The following KLF12 variants were observed in gnomAD, a reference collection of about 807,000 sequenced individuals.
KLF12 encodes Krueppel-like factor 12.
KLF12 carries 9 observed loss-of-function variants against 37.8 expected under a neutral mutation model. That is an observed-to-expected ratio of 0.24 (90% confidence interval 0.14 to 0.42). The LOEUF is 0.42. Among genes scored for constraint, KLF12 ranks in the 10% least tolerant of loss-of-function variants. The probability of loss-of-function intolerance (pLI) is 1.00; values close to 1 mark genes in which losing one functional copy is unlikely to be tolerated. For missense variants in KLF12, 411 were observed against 516.0 expected (o/e 0.80, Z 1.97); for synonymous variants, 208 against 202.1 (o/e 1.03, Z -0.25).
chr13:73,983,260 C>A (rs956978241), intron 2 of KLF12, among the ~76,000 whole-genome samples: 2 of 152,166 alleles, frequency 1.3e-5, no homozygotes, highest in African/African-American at 2.4e-5. Context: ...ACTTAACATG[C>A]GATTAAAAAG....
At chr13:73,915,589 T>G (rs1888782891) in intron 3 of KLF12, among the ~76,000 whole-genome samples, 1 of 151,568 alleles carries the variant, frequency 6.6e-6, no homozygotes, top group Non-Finnish European at 1.5e-5. Context: ...CTTGGCTCAC[T>G]GCAAGCTCCA....
intron 4 of KLF12, among the ~76,000 whole-genome samples, chr13:73,834,090 G>A (rs1228745489): frequency 1.3e-5 from 2 of 152,100 alleles, no homozygotes; most frequent in Non-Finnish European, 2.9e-5. Flanking sequence ...GGCTTAAATG[G>A]TACTTTCATG....
At chr13:73,928,610 T>A (rs1157982116) in intron 3 of KLF12, among the ~76,000 whole-genome samples, 1 of 152,232 alleles carries the variant, frequency 6.6e-6, no homozygotes, top group Non-Finnish European at 1.5e-5. Context: ...ATAGATGGCA[T>A]TATTTCAATA....
intron 3 of KLF12, among the ~76,000 whole-genome samples, chr13:73,892,822 C>T (rs1397713478): frequency 6.6e-6 from 1 of 152,080 alleles, no homozygotes; most frequent in Non-Finnish European, 1.5e-5. Context: ...TACAATAAAC[C>T]ATTTACTTTG....
At chr13:74,088,919 A>G (rs1593889982) in intron 1 of KLF12, among the ~76,000 whole-genome samples, 1 of 152,190 alleles carries the variant, frequency 6.6e-6, no homozygotes, top group African/African-American at 2.4e-5. Context: ...CAAGACAATA[A>G]GATTTAATTT....
At chr13:74,177,083 G>C in the KLF12 span, among the ~76,000 whole-genome samples, 7 of 152,250 alleles carry the variant, frequency 4.6e-5, no homozygotes, top group South Asian at 1.5e-3. Flanking sequence ...TTAATGGTCA[G>C]CTACCGGAAA....
chr13:74,031,059 G>A (rs1893099297), intron 1 of KLF12, among the ~76,000 whole-genome samples: 1 of 152,038 alleles, frequency 6.6e-6, no homozygotes, highest in African/African-American at 2.4e-5. Flanking sequence ...GAACTACAAA[G>A]ATTATATAAA....
At chr13:74,088,185 GAAATTCCAGCAAGCAT>G in intron 1 of KLF12, among the ~76,000 whole-genome samples, 1 of 152,058 alleles carries the variant, frequency 6.6e-6, no homozygotes, top group African/African-American at 2.4e-5. Context: ...AACTTGCTCA[GAAATTCCAGCAAGCAT>G]AAATACTCTA....
At chr13:74,243,348 C>T in the KLF12 span, among the ~76,000 whole-genome samples, 1 of 152,068 alleles carries the variant, frequency 6.6e-6, no homozygotes, top group Non-Finnish European at 1.5e-5. Flanking sequence ...TTTATTCAGT[C>T]TATCATTGAT....
chr13:73,803,652 T>C (rs1882402479), intron 5 of KLF12, among the ~76,000 whole-genome samples: 1 of 152,098 alleles, frequency 6.6e-6, no homozygotes, highest in East Asian at 1.9e-4. Flanking sequence ...TTTGTCTATT[T>C]TATCCAATGC....
At chr13:74,288,701 G>A in the KLF12 span, among the ~76,000 whole-genome samples, 691 of 152,314 alleles carry the variant, frequency 4.5e-3, 5 homozygotes, top group African/African-American at 0.016. Context: ...AGAGAGCTGT[G>A]CTAAAAGCCG....
rs1736432872 is a variant in KLF12 at position 74,133,791 on chromosome 13, TC to T, written c.-85del. On this transcript the variant is annotated 5_prime_UTR_variant, in exon 1 of 8. Transcript: ENST00000377669. ...ATTGTTTTCTTTCCCTCACACAGAG[TC>T]CCCCTCTCTCTCTCCCTTTCTCTCT... 6.8e-6 allele frequency among the ~76,000 whole-genome samples: 1 copy of T among 146,618 alleles called. No individual in the cohort carries two copies. Among genetic ancestry groups the T allele is most frequent in the Non-Finnish European group, 1.5e-5 (1 of 66,820 alleles).
At chr13:73,997,298 T>G (rs1333489818) in intron 1 of KLF12, among the ~76,000 whole-genome samples, 1 of 152,136 alleles carries the variant, frequency 6.6e-6, no homozygotes, top group Non-Finnish European at 1.5e-5. Context: ...ACCTCTTTGA[T>G]GCCCAGTTTT....
intron 4 of KLF12, among the ~76,000 whole-genome samples, chr13:73,831,589 G>C (rs753331073): frequency 6.6e-6 from 1 of 152,100 alleles, no homozygotes; most frequent in Non-Finnish European, 1.5e-5. Flanking sequence ...AAGGACTAAA[G>C]CGCCGTGTTA....
intron 2 of KLF12, among the ~76,000 whole-genome samples, chr13:73,945,362 G>C (rs951315070): frequency 6.6e-6 from 1 of 152,214 alleles, no homozygotes; most frequent in Non-Finnish European, 1.5e-5. Flanking sequence ...CAAGCTACTC[G>C]GGAGGCTGAG....
intron 4 of KLF12, among the ~76,000 whole-genome samples, chr13:73,815,147 A>C (rs1303099443): frequency 2.0e-5 from 3 of 152,140 alleles, no homozygotes; most frequent in Admixed American, 2.0e-4. Context: ...TTGTACCACC[A>C]GCTATGAGAC....
chr13:74,076,900 G>A (rs570724596), intron 1 of KLF12, among the ~76,000 whole-genome samples: 1 of 152,044 alleles, frequency 6.6e-6, no homozygotes, highest in Admixed American at 6.6e-5. Flanking sequence ...TGTGGTATTT[G>A]GTTTTCTGTT....
intron 3 of KLF12, among the ~76,000 whole-genome samples, chr13:73,892,007 T>TA (rs755485268): frequency 6.7e-6 from 1 of 150,308 alleles, no homozygotes; most frequent in Admixed American, 6.7e-5. Flanking sequence ...GACTTGTCTA[T>TA]AGCATTCATT....
chr13:74,216,338 T>A, the KLF12 span, among the ~76,000 whole-genome samples: 2 of 152,294 alleles, frequency 1.3e-5, no homozygotes, highest in South Asian at 4.1e-4. Context: ...GGGTTAGGTT[T>A]AAATATTCAA....
Sources: gnomAD v4.1 joint callset for allele counts (sites outside exome capture counted in the v4.1 genomes callset) on GRCh38, gnomAD v4.1.1 for gene constraint, MANE v1.5 for transcripts, NCBI Gene and HGNC (gene_info 2026-07-23, HGNC 2026-07-21) for gene names.